Variants in C12orf56 observed in about 807,000 individuals in gnomAD.
C12orf56 encodes the protein uncharacterized protein C12orf56.
C12orf56 carries 71 observed loss-of-function variants against 69.9 expected under a neutral mutation model. That is an observed-to-expected ratio of 1.02 (90% CI 0.84 to 1.24). The LOEUF (loss-of-function observed/expected upper bound fraction) is 1.24, where lower values mean the gene tolerates loss of function less well. Ranked by LOEUF, C12orf56 falls within the 50% of genes most tolerant of loss-of-function variation. The probability of loss-of-function intolerance (pLI) is 0.00; values close to 1 mark genes in which losing one functional copy is unlikely to be tolerated. For synonymous variants in C12orf56, 276 were observed against 274.1 expected (o/e 1.01, Z -0.07); for missense variants, 732 against 738.5 (o/e 0.99, Z 0.10).
intron 3 of C12orf56, among the ~76,000 whole-genome samples, chr12:64,322,722 G>A (rs959723060): frequency 6.6e-6 from 1 of 152,158 alleles, no homozygotes; most frequent in African/African-American, 2.4e-5. Flanking sequence ...CCTAGGAGGT[G>A]TTTCAAATCT....
chr12:64,271,259 A>G (rs932276492), intron 11 of C12orf56, among the ~76,000 whole-genome samples: 19 of 151,994 alleles, frequency 1.3e-4, no homozygotes, highest in Non-Finnish European at 2.2e-4. Context: ...TGAGGCAGGG[A>G]GTTCTAGACA....
chr12:64,374,174 G>T (rs2039609964), intron 1 of C12orf56, among the ~76,000 whole-genome samples: 1 of 152,158 alleles, frequency 6.6e-6, no homozygotes, highest in Non-Finnish European at 1.5e-5. Context: ...CCAGTTTTGA[G>T]AATTAGGCAG....
At chr12:64,364,761 A>C (rs1199020780) in intron 1 of C12orf56, among the ~76,000 whole-genome samples, 1 of 152,000 alleles carries the variant, frequency 6.6e-6, no homozygotes, top group Non-Finnish European at 1.5e-5. Context: ...GAATCCTGTG[A>C]GTCCTTTCAG....
chr12:64,350,598 T>C (rs944993045), intron 2 of C12orf56, among the ~76,000 whole-genome samples: 8 of 152,174 alleles, frequency 5.3e-5, no homozygotes, highest in Admixed American at 3.3e-4. Context: ...GGTTCCTAAT[T>C]TGTGGTGAGT....
Position 64,353,070 on chromosome 12 carries a change from T to C in C12orf56, c.253-14A>G. 6.2e-7 allele frequency: 1 copy of C among 1,609,580 alleles called. No homozygotes were observed. Among genetic ancestry groups the C allele is most frequent in the African/African-American group, 1.3e-5 (1 of 74,724 alleles). ...GTAATCATCAATCTGGAAAAAAAAT[T>C]AATTCACCTCATTGAAGACAAATAC... is the stretch of plus-strand genomic sequence containing the variant. On this transcript the variant is annotated splice_polypyrimidine_tract_variant and intron_variant, in intron 1 of 12. Transcript: ENST00000543942.
chr12:64,293,772 T>C (rs1167067243), intron 6 of C12orf56, among the ~76,000 whole-genome samples: 1 of 152,202 alleles, frequency 6.6e-6, no homozygotes, highest in African/African-American at 2.4e-5. Context: ...GAGTACTTAG[T>C]GCAGAATTCC....
At chr12:64,356,642 G>A (rs889171507) in intron 1 of C12orf56, among the ~76,000 whole-genome samples, 1 of 152,182 alleles carries the variant, frequency 6.6e-6, no homozygotes, top group African/African-American at 2.4e-5. Flanking sequence ...GACGGAGCAG[G>A]TGACCAGGGG....
chr12:64,308,889 GAAGAAAGAAAGAAAGA>G (rs1173081507), intron 5 of C12orf56, among the ~76,000 whole-genome samples: 5 of 69,328 alleles, frequency 7.2e-5, no homozygotes, highest in East Asian at 8.2e-4. Context: ...AAACAGAAAG[GAAGAAAGAAAGAAAGA>G]AAGAAAGAAA....
chr12:64,311,156 G>T (rs779218117), intron 5 of C12orf56, among the ~76,000 whole-genome samples: 1 of 152,146 alleles, frequency 6.6e-6, no homozygotes, highest in Non-Finnish European at 1.5e-5. Flanking sequence ...CTTTGCTATT[G>T]CCAGGCGTGG....
At chr12:64,293,234 G>GACCT in intron 6 of C12orf56, 1 of 152,152 alleles carries the variant, frequency 6.6e-6, no homozygotes, top group African/African-American at 2.4e-5. Flanking sequence ...CGCACCCACT[G>GACCT]GCCTGCGCCC....
At position 64,275,171 on chromosome 12, in the gene C12orf56, C is replaced by T. The variant is rs531747172; in HGVS notation, c.1509+127G>A. On this transcript the variant is annotated intron_variant, in intron 10 of 12. Coordinates refer to ENST00000543942, the MANE Select transcript of C12orf56 (RefSeq NM_001170633.2). ...CCAGTTTTGGAGACCATCTCAAGTA[C>T]AAGCATTTTTGATATATTATTAATC... The T allele has an allele frequency of 3.0e-5, 21 of 699,352 alleles. No homozygotes were observed. The South Asian group carries it at 4.5e-4, about 15-fold the overall frequency. The allele number at this position is 699,352 out of a possible 1,614,324, so 43.3% of individuals were successfully genotyped here. A position where few individuals can be genotyped will look rare whatever the true frequency, so the allele number is the denominator to read the frequency against.
At chr12:64,370,403 C>T (rs560596731) in intron 1 of C12orf56, among the ~76,000 whole-genome samples, 1 of 151,890 alleles carries the variant, frequency 6.6e-6, no homozygotes, top group African/African-American at 2.4e-5. Context: ...ATAATCCCAG[C>T]AATTTCAGAG....
chr12:64,389,009 T>C (rs1479015840), intron 1 of C12orf56: 2 of 152,098 alleles, frequency 1.3e-5, no homozygotes, highest in East Asian at 1.9e-4. Context: ...TTTTTTTTCA[T>C]TTAATTTTAT....
intron 1 of C12orf56, among the ~76,000 whole-genome samples, chr12:64,357,717 T>G (rs1323899944): frequency 6.6e-6 from 1 of 151,996 alleles, no homozygotes; most frequent in Non-Finnish European, 1.5e-5. Flanking sequence ...GCCAACATAG[T>G]GAGACCCCCC....
At chr12:64,303,898 T>C in intron 5 of C12orf56, 119 bp from the exon 6 acceptor site, 1 of 1,173,270 alleles carries the variant, frequency 8.5e-7, no homozygotes, top group South Asian at 1.5e-5. Flanking sequence ...TTAATATAGT[T>C]TTATTCTCCT....
intron 9 of C12orf56, among the ~76,000 whole-genome samples, chr12:64,276,230 C>T (rs908730547): frequency 6.6e-6 from 1 of 152,276 alleles, no homozygotes; most frequent in Non-Finnish European, 1.5e-5. Flanking sequence ...GGGAGAACAA[C>T]ACAGACATGA....
chr12:64,315,213 A>G (rs1281351857), intron 4 of C12orf56, among the ~76,000 whole-genome samples: 2 of 151,134 alleles, frequency 1.3e-5, no homozygotes, highest in Non-Finnish European at 2.9e-5. Context: ...CAGCCACCCA[A>G]CCTGTCTTGT....
chr12:64,386,398 A>T (rs1176691182), intron 1 of C12orf56, among the ~76,000 whole-genome samples: 42 of 87,344 alleles, frequency 4.8e-4, no homozygotes, highest in Middle Eastern at 6.0e-3. Flanking sequence ...ATATATATAT[A>T]TTTTTTTTTT....
intron 2 of C12orf56, among the ~76,000 whole-genome samples, chr12:64,334,980 G>A (rs536232618): frequency 6.6e-6 from 1 of 152,228 alleles, no homozygotes; most frequent in Non-Finnish European, 1.5e-5. Flanking sequence ...AAGCCCAATG[G>A]CCACAGGTAG....
Sources: gnomAD v4.1 joint callset for allele counts (sites outside exome capture counted in the v4.1 genomes callset) on GRCh38, gnomAD v4.1.1 for gene constraint, MANE v1.5 for transcripts, NCBI Gene and HGNC (gene_info 2026-07-23, HGNC 2026-07-21) for gene names.